Variants in POLDIP3 observed in about 807,000 individuals in gnomAD.
POLDIP3 encodes polymerase delta-interacting protein 3.
A neutral mutation model predicts 45.1 loss-of-function variants in POLDIP3; 14 were observed. That is an observed-to-expected ratio of 0.31 (90% CI 0.20 to 0.49). The LOEUF is 0.49. POLDIP3 is among the 20% of genes least tolerant of loss of function. The pLI is 0.99. For synonymous variants in POLDIP3, 223 were observed against 205.2 expected (o/e 1.09, Z -0.74); for missense variants, 511 against 538.8 (o/e 0.95, Z 0.51).
rs1027842241 is a variant in POLDIP3, at chr22:42,584,887, A to G, written c.*904T>C. The G allele has an allele frequency of 4.4e-6, 2 of 456,186 alleles. No homozygotes were observed. The highest frequency in any genetic ancestry group is 2.3e-5 in the Admixed American group (1 of 42,566). 28.3% of individuals were successfully genotyped at this position (456,186 alleles called of 1,614,324 possible). A position where few individuals can be genotyped will look rare whatever the true frequency, so the allele number is the denominator to read the frequency against. On this transcript the variant is annotated 3_prime_UTR_variant, in exon 9 of 9. Transcript: ENST00000252115. ...AGGAACAAACTGACCTCTTCCATTC[A>G]AATAAGCTCCAAACCCAAGCACTGC...
At chr22:42,600,634 A>G (rs189842191) in intron 3 of POLDIP3, among the ~76,000 whole-genome samples, 1 of 151,420 alleles carries the variant, frequency 6.6e-6, no homozygotes, top group East Asian at 2.0e-4. Context: ...TCAAAAAAAA[A>G]AAAAGAATAT....
intron 6 of POLDIP3, 55 bp from the exon 7 acceptor site, chr22:42,592,139 TCA>T (rs1925705087): frequency 6.2e-7 from 1 of 1,609,196 alleles, no homozygotes; most frequent in African/African-American, 1.3e-5. Flanking sequence ...CACCTGCCGC[TCA>T]CACACTCTGA....
chr22:42,613,989 T>G (rs1015118814), intron 1 of POLDIP3, among the ~76,000 whole-genome samples: 3 of 152,186 alleles, frequency 2.0e-5, no homozygotes, highest in African/African-American at 7.2e-5. Flanking sequence ...GAGACATGAC[T>G]GCAAATCACC....
At chr22:42,609,313 C>T (rs1264629382) in intron 1 of POLDIP3, among the ~76,000 whole-genome samples, 2 of 152,146 alleles carry the variant, frequency 1.3e-5, no homozygotes, top group Non-Finnish European at 2.9e-5. Context: ...TCCATCGCAC[C>T]GAAACTACAG....
intron 4 of POLDIP3, among the ~76,000 whole-genome samples, chr22:42,599,360 T>C (rs1460848050): frequency 6.6e-6 from 1 of 152,254 alleles, no homozygotes; most frequent in Non-Finnish European, 1.5e-5. Flanking sequence ...TCCCAGCACC[T>C]TGGGAGGCCG....
rs1925934040 is a variant in POLDIP3, at chr22:42,595,563, G to A, written c.865C>T (p.Pro289Ser). The A allele has an allele frequency of 1.2e-6, 2 of 1,613,896 alleles. No homozygotes were observed. Among genetic ancestry groups the A allele is most frequent in the Non-Finnish European group, 1.7e-6 (2 of 1,179,962 alleles). ...GTKMTVNNLH[P>S]RVTEEDIVEL... ...ACAATGTCCTCCTCAGTGACTCGAGGGTGCAGATTATTCACAGTCATCTTG... is the reference window on the plus strand; with the variant it reads ...ACAATGTCCTCCTCAGTGACTCGAGAGTGCAGATTATTCACAGTCATCTTG... Residue 289 changes from proline to serine, a missense_variant, in exon 6 of 9, where the codon CCT becomes TCT. This residue lies in a region of POLDIP3 where 66 missense variants were observed against 118.1 expected (regional missense o/e 0.56). Transcript: ENST00000252115.
chr22:42,614,831 G>T lies in POLDIP3; in HGVS notation c.27C>A (p.Leu9=). 1 of 1,614,072 alleles carries T rather than the reference G, an allele frequency of 6.2e-7. No individual in the cohort carries two copies. The highest frequency in any genetic ancestry group is 2.2e-5 in the East Asian group (1 of 44,884). Residue 9 remains leucine (L), a synonymous_variant, in exon 1 of 9, where the codon CTC becomes CTA. Coordinates refer to ENST00000252115, the MANE Select transcript of POLDIP3 (RefSeq NM_032311.5). The part of the protein sequence containing the change: MADISLDE[L]IRKRGAAAKG... ...TCGCCGCCGCCCCGCGCTTCCTGATGAGTTCGTCCAGGGAGATGTCCGCCA... is the reference window on the plus strand; with the variant it reads ...TCGCCGCCGCCCCGCGCTTCCTGATTAGTTCGTCCAGGGAGATGTCCGCCA...
intron 4 of POLDIP3, chr22:42,597,654 A>C (rs1362581092): frequency 2.2e-6 from 1 of 458,186 alleles, no homozygotes; most frequent in African/African-American, 2.0e-5. Context: ...TAGGGTATCA[A>C]ATAGGGATAG....
intron 1 of POLDIP3, among the ~76,000 whole-genome samples, chr22:42,608,363 C>CA (rs1365445772): frequency 1.3e-5 from 2 of 150,674 alleles, no homozygotes; most frequent in East Asian, 3.9e-4. Flanking sequence ...GTCCAGGCTG[C>CA]AGTGAGCCAA....
chr22:42,614,261 G>A (rs1335063282), intron 1 of POLDIP3, among the ~76,000 whole-genome samples: 4 of 152,228 alleles, frequency 2.6e-5, no homozygotes, highest in African/African-American at 9.6e-5. Context: ...GAGGCATCGT[G>A]TATATGAAAG....
At chr22:42,613,109 G>A (rs1927226908) in intron 1 of POLDIP3, among the ~76,000 whole-genome samples, 1 of 152,212 alleles carries the variant, frequency 6.6e-6, no homozygotes, top group Non-Finnish European at 1.5e-5. Context: ...TCCACCTGCA[G>A]TCAGAAACTG....
At chr22:42,597,107 C>G (rs901435504) in intron 4 of POLDIP3, among the ~76,000 whole-genome samples, 1 of 152,226 alleles carries the variant, frequency 6.6e-6, no homozygotes, top group African/African-American at 2.4e-5. Context: ...TCAGCTCCGA[C>G]TGTCAGGGAC....
At chr22:42,592,924 G>T (rs1191256672) in intron 6 of POLDIP3, among the ~76,000 whole-genome samples, 1 of 152,166 alleles carries the variant, frequency 6.6e-6, no homozygotes, top group South Asian at 2.1e-4. Context: ...GCCAAAAGAA[G>T]GTTTATGAAA....
intron 7 of POLDIP3, among the ~76,000 whole-genome samples, chr22:42,589,827 G>C (rs1279152239): frequency 2.0e-5 from 3 of 150,062 alleles, no homozygotes; most frequent in Non-Finnish European, 3.0e-5. Flanking sequence ...CTGGGTGACA[G>C]AGGGAGACTC....
intron 1 of POLDIP3, among the ~76,000 whole-genome samples, chr22:42,607,508 G>A (rs1458527099): frequency 2.0e-5 from 3 of 152,350 alleles, no homozygotes; most frequent in South Asian, 2.1e-4. Context: ...TGCCGAGATT[G>A]CAGCCTCTGC....
chr22:42,608,256 C>CT (rs955570049), intron 1 of POLDIP3, among the ~76,000 whole-genome samples: 2 of 124,588 alleles, frequency 1.6e-5, no homozygotes, highest in African/African-American at 6.8e-5. Flanking sequence ...TAACCTTACC[C>CT]CCCCCCCCAA....
intron 4 of POLDIP3, among the ~76,000 whole-genome samples, chr22:42,599,157 C>A (rs998041896): frequency 6.6e-6 from 1 of 152,234 alleles, no homozygotes; most frequent in South Asian, 2.1e-4. Context: ...AAACACAGCA[C>A]CTAGGAGCTG....
At chr22:42,602,115 A>G in intron 2 of POLDIP3, 59 bp from the exon 3 acceptor site, 1 of 1,611,366 alleles carries the variant, frequency 6.2e-7, no homozygotes, top group Non-Finnish European at 8.5e-7. Context: ...TCTCTAGAAG[A>G]AGGGGGTTAC....
intron 1 of POLDIP3, among the ~76,000 whole-genome samples, chr22:42,606,906 T>A (rs1218435897): frequency 6.6e-6 from 1 of 152,136 alleles, no homozygotes; most frequent in Admixed American, 6.5e-5. Flanking sequence ...GGTTCAAGCA[T>A]CAATTAAATA....
Sources: allele counts gnomAD v4.1 joint callset (sites outside exome capture counted in the v4.1 genomes callset), GRCh38; gene constraint gnomAD v4.1.1; regional missense constraint gnomAD v4.1.1; transcripts MANE v1.5; gene names NCBI Gene and HGNC (gene_info 2026-07-23, HGNC 2026-07-21).